DNAH7: variants seen among roughly 807,000 people sequenced by gnomAD.
The protein encoded by DNAH7 is dynein axonemal heavy chain 7, also known as axonemal beta dynein heavy chain 7.
DNAH7 carries 397 observed loss-of-function variants against 444.6 expected under a neutral mutation model. That is an observed-to-expected ratio of 0.89 (90% CI 0.82 to 0.97). The LOEUF is 0.97. Ranked by LOEUF, DNAH7 falls within the 50% of genes least tolerant of loss-of-function variation. The probability of loss-of-function intolerance (pLI) is 0.00; values close to 1 mark genes in which losing one functional copy is unlikely to be tolerated. For missense variants in DNAH7, 4,902 were observed against 4,800.8 expected, an observed-to-expected ratio of 1.02 and a Z score of -0.62; for synonymous variants, 1,636 against 1,624.4, an observed-to-expected ratio of 1.01 and a Z score of -0.17.
chr2:195,765,806 G>A (rs62201473), intron 61 of DNAH7, among the ~76,000 whole-genome samples: 14,164 of 152,196 alleles, frequency 0.093, 739 homozygotes, highest in African/African-American at 0.14. Flanking sequence ...AACCACTGTG[G>A]AGAACAGTTT....
At chr2:196,024,837 C>T (rs529482351) in intron 7 of DNAH7, among the ~76,000 whole-genome samples, 19 of 151,696 alleles carry the variant, frequency 1.3e-4, no homozygotes, top group African/African-American at 4.6e-4. Flanking sequence ...GTCAACAATA[C>T]AGGATAGCAG....
At chr2:196,051,281 T>C (rs1697450520) in intron 2 of DNAH7, 32 bp from the exon 3 acceptor site, 1 of 1,581,516 alleles carries the variant, frequency 6.3e-7, no homozygotes, top group Non-Finnish European at 8.7e-7. Context: ...GAAAAAAGTG[T>C]TTACTCTGTT....
chr2:195,978,649 C>G (rs1326240231), intron 15 of DNAH7, among the ~76,000 whole-genome samples: 2 of 152,106 alleles, frequency 1.3e-5, no homozygotes, highest in African/African-American at 2.4e-5. Flanking sequence ...GATAACAAAA[C>G]AAGACCCAGT....
chr2:196,055,833 C>T (rs1311825986), intron 2 of DNAH7, among the ~76,000 whole-genome samples: 4 of 152,172 alleles, frequency 2.6e-5, no homozygotes, highest in Non-Finnish European at 4.4e-5. Flanking sequence ...TACAACAACC[C>T]CATCACTGCC....
chr2:195,841,054 T>C lies in DNAH7; in HGVS notation c.8945+3948A>G, dbSNP rs535686865. Among the ~76,000 whole-genome samples the C allele has an allele frequency of 5.5e-4, 84 of 151,904 alleles. 1 individual carries two copies. The highest frequency in any genetic ancestry group is 1.8e-3 in the African/African-American group (76 of 41,526). On this transcript the variant is annotated intron_variant, in intron 47 of 64. Transcript: ENST00000312428. ...TAATATGCTTCAATAATCAAAGAAA[T>C]ATGGTATTTACATCAAGACAAATAG... is the stretch of plus-strand genomic sequence containing the variant.
chr2:196,061,302 C>T (rs1575125363), intron 1 of DNAH7, among the ~76,000 whole-genome samples: 2 of 152,080 alleles, frequency 1.3e-5, no homozygotes, highest in African/African-American at 4.8e-5. Context: ...AATATTACCC[C>T]ATATACTGGA....
chr2:195,998,071 C>T lies in DNAH7; in HGVS notation c.1353+2633G>A, dbSNP rs79681951. Among the ~76,000 whole-genome samples the T allele has an allele frequency of 7.1e-3, 1,074 of 152,234 alleles. 19 individuals are homozygous for T. The highest frequency in any genetic ancestry group is 0.033 in the Admixed American group (497 of 15,282). On this transcript the variant is annotated intron_variant, in intron 12 of 64. Transcript: ENST00000312428. ...TGTTACCAGATGATGATAATCCATACGGTTTCAGAACCATTACCCATGAAT... is the reference window on the plus strand; with the variant it reads ...TGTTACCAGATGATGATAATCCATATGGTTTCAGAACCATTACCCATGAAT...
rs562792136 is a variant in DNAH7, at chr2:195,806,159, T to C, written c.10176+581A>G. ...TCTTTGTGGTATCGGTCAATATTCA[T>C]AGGTGAATTTTTTTATCTAATACAA... On this transcript the variant is annotated intron_variant, in intron 54 of 64. Transcript: ENST00000312428. Among the ~76,000 whole-genome samples the C allele has an allele frequency of 3.3e-5, 5 of 152,260 alleles. No homozygotes were observed. In the East Asian group the frequency reaches 9.6e-4, roughly 29 times the overall value.
chr2:196,048,995 G>T (rs550464347), intron 3 of DNAH7, among the ~76,000 whole-genome samples: 1 of 152,158 alleles, frequency 6.6e-6, no homozygotes, highest in Admixed American at 6.5e-5. Flanking sequence ...TTCTAAAAAC[G>T]CAATGACTAA....
intron 6 of DNAH7, 39 bp downstream of exon 6, chr2:196,027,921 T>A (rs980659185): frequency 6.3e-7 from 1 of 1,575,332 alleles, no homozygotes. Context: ...AGTGTTTCTT[T>A]CCTTTTCAAT....
At chr2:196,018,953 G>A (rs1416803710) in intron 9 of DNAH7, among the ~76,000 whole-genome samples, 1 of 151,994 alleles carries the variant, frequency 6.6e-6, no homozygotes, top group African/African-American at 2.4e-5. Flanking sequence ...CATCTACTAT[G>A]TACTCAAAAA....
chr2:195,751,668 C>G (rs1357144886), intron 63 of DNAH7, among the ~76,000 whole-genome samples: 1 of 152,148 alleles, frequency 6.6e-6, no homozygotes, highest in Admixed American at 6.5e-5. Context: ...GAGAAAAGAA[C>G]ATGAGCCGTT....
chr2:195,881,663 T>C (rs1701386735), intron 36 of DNAH7, 132 bp downstream of exon 36: 1 of 929,948 alleles, frequency 1.1e-6, no homozygotes, highest in Non-Finnish European at 1.5e-6. Context: ...TAAGTGGCAA[T>C]TTTTCAAAAA....
chr2:195,993,102 G>T (rs1209499741), intron 12 of DNAH7, among the ~76,000 whole-genome samples: 2 of 152,216 alleles, frequency 1.3e-5, no homozygotes, highest in East Asian at 3.8e-4. Context: ...TAACAGAGGT[G>T]TGGGAAGCAC....
intron 18 of DNAH7, among the ~76,000 whole-genome samples, chr2:195,957,953 A>C (rs1441889590): frequency 6.6e-6 from 1 of 152,130 alleles, no homozygotes; most frequent in African/African-American, 2.4e-5. Context: ...CTTCTGAGGA[A>C]AGATAGTTAC....
chr2:195,821,097 T>C (rs963639566), intron 49 of DNAH7, among the ~76,000 whole-genome samples: 9 of 150,878 alleles, frequency 6.0e-5, no homozygotes, highest in Admixed American at 1.3e-4. Flanking sequence ...TGCACAACTA[T>C]AGAAGGAGCC....
chr2:195,876,554 C>A lies in DNAH7; in HGVS notation c.6107G>T (p.Gly2036Val). 1.2e-6 allele frequency: 2 copies of A among 1,613,732 alleles called. No individual in the cohort carries two copies. The highest frequency in any genetic ancestry group is 1.7e-6 in the Non-Finnish European group (2 of 1,179,812). Residue 2036 changes from glycine to valine, a missense_variant, in exon 37 of 65, where the codon GGC becomes GTC. By Grantham distance (109) the Gly-to-Val change is moderately radical. Coordinates refer to ENST00000312428, the MANE Select transcript of DNAH7 (RefSeq NM_018897.3). ...ACAAAGAGTCATTACCATTCTCTTG[C>A]CCAAAGGAGGACCAAAAACTCCCTT... ...RRKGVFGPPL[G>V]KRMVVFVDDV...
At chr2:195,794,710 T>TAAC (rs951369653) in intron 56 of DNAH7, among the ~76,000 whole-genome samples, 172 bp from the exon 57 acceptor site, 2 of 152,198 alleles carry the variant, frequency 1.3e-5, no homozygotes, top group African/African-American at 4.8e-5. Flanking sequence ...CCTAAAACAA[T>TAAC]AACACCTTGT....
intron 61 of DNAH7, among the ~76,000 whole-genome samples, chr2:195,759,278 T>G (rs1694233077): frequency 6.6e-6 from 1 of 152,162 alleles, no homozygotes; most frequent in South Asian, 2.1e-4. Flanking sequence ...ACAATATTTC[T>G]AGACACATAT....
Sources: gnomAD v4.1 joint callset for allele counts (sites outside exome capture counted in the v4.1 genomes callset) on GRCh38, gnomAD v4.1.1 for gene constraint, MANE v1.5 for transcripts, NCBI Gene and HGNC (gene_info 2026-07-23, HGNC 2026-07-21) for gene names.